Variants in SLC25A21 observed in about 807,000 individuals in gnomAD.
SLC25A21 encodes mitochondrial 2-oxodicarboxylate carrier.
SLC25A21 carries 47 observed loss-of-function variants against 43.8 expected under a neutral mutation model. The ratio of observed to expected loss-of-function variants is 1.07; its 90% confidence interval spans 0.85 to 1.37. The LOEUF (loss-of-function observed/expected upper bound fraction) is 1.37. Among genes scored for constraint, SLC25A21 ranks in the 40% most tolerant of loss-of-function variants. SLC25A21 has a pLI of 0.00. For missense variants in SLC25A21, 352 were observed against 350.2 expected (o/e 1.00, Z -0.04); for synonymous variants, 131 against 121.3 (o/e 1.08, Z -0.52).
At chr14:36,794,287 C>T (rs1594593944) in intron 3 of SLC25A21, among the ~76,000 whole-genome samples, 1 of 151,314 alleles carries the variant, frequency 6.6e-6, no homozygotes, top group East Asian at 1.9e-4. Context: ...GTTTTTATTT[C>T]CTCAAAAGAA....
intron 1 of SLC25A21, among the ~76,000 whole-genome samples, chr14:37,069,742 T>C (rs1289602220): frequency 3.3e-5 from 5 of 152,224 alleles, no homozygotes; most frequent in Non-Finnish European, 7.3e-5. Flanking sequence ...TAGAGGCCCT[T>C]TTCCAGGAAC....
chr14:37,032,397 G>C (rs79149515), intron 1 of SLC25A21, among the ~76,000 whole-genome samples: 1 of 152,010 alleles, frequency 6.6e-6, no homozygotes, highest in Non-Finnish European at 1.5e-5. Flanking sequence ...CTAGCCGGGC[G>C]TGGTGGCGTG....
chr14:37,149,615 A>T (rs929076750), intron 1 of SLC25A21, among the ~76,000 whole-genome samples: 5 of 152,126 alleles, frequency 3.3e-5, no homozygotes, highest in African/African-American at 1.2e-4. Context: ...GAATCGCTTA[A>T]ACCGGGAGGC....
chr14:37,124,505 C>A (rs1431494470), intron 1 of SLC25A21, among the ~76,000 whole-genome samples: 1 of 152,058 alleles, frequency 6.6e-6, no homozygotes, highest in Non-Finnish European at 1.5e-5. Flanking sequence ...TTATTGTTAC[C>A]TATAGCAAAG....
intron 1 of SLC25A21, among the ~76,000 whole-genome samples, chr14:36,947,478 A>G (rs528449643): frequency 1.3e-4 from 20 of 152,302 alleles, no homozygotes; most frequent in South Asian, 1.2e-3. Context: ...ACTCCTTTCC[A>G]GCCCTGGGAT....
chr14:37,062,572 T>A (rs759159062), intron 1 of SLC25A21, among the ~76,000 whole-genome samples: 28 of 152,194 alleles, frequency 1.8e-4, no homozygotes, highest in Non-Finnish European at 3.8e-4. Context: ...AGATGCTCGC[T>A]GTTTGCACTC....
chr14:36,726,042 T>G (rs942044048), intron 5 of SLC25A21, among the ~76,000 whole-genome samples: 6 of 152,232 alleles, frequency 3.9e-5, no homozygotes, highest in African/African-American at 1.4e-4. Context: ...AGCTTCATTT[T>G]TAAACATCTA....
intron 1 of SLC25A21, among the ~76,000 whole-genome samples, chr14:37,101,700 A>G (rs1962819957): frequency 1.3e-5 from 2 of 152,338 alleles, no homozygotes; most frequent in South Asian, 4.1e-4. Context: ...ACTTTTTATA[A>G]AGCAGAATAT....
chr14:36,938,006 T>A (rs7150471), intron 1 of SLC25A21, among the ~76,000 whole-genome samples: 89,796 of 151,520 alleles, frequency 0.59, 27,774 homozygotes, highest in Non-Finnish European at 0.66. Flanking sequence ...CAACTTTTTT[T>A]AAAAAAAAAT....
intron 1 of SLC25A21, among the ~76,000 whole-genome samples, chr14:36,916,668 C>G (rs1418712960): frequency 6.6e-6 from 1 of 152,150 alleles, no homozygotes; most frequent in Non-Finnish European, 1.5e-5. Flanking sequence ...CAGACCCTGA[C>G]AGAAATATAG....
intron 1 of SLC25A21, among the ~76,000 whole-genome samples, chr14:36,986,359 C>G (rs902055219): frequency 2.0e-5 from 3 of 152,120 alleles, no homozygotes; most frequent in African/African-American, 4.8e-5. Flanking sequence ...TAAGTCTATT[C>G]ACTTATTTGC....
At chr14:37,008,984 T>C (rs1040808891) in intron 1 of SLC25A21, among the ~76,000 whole-genome samples, 1 of 152,136 alleles carries the variant, frequency 6.6e-6, no homozygotes, top group East Asian at 1.9e-4. Flanking sequence ...AGAAAGTGCA[T>C]GGGAATAAAT....
intron 3 of SLC25A21, among the ~76,000 whole-genome samples, chr14:36,792,277 T>C (rs848097): frequency 0.46 from 69,469 of 151,928 alleles, 16,414 homozygotes; most frequent in African/African-American, 0.58. Context: ...GAAAGTGTAT[T>C]TGAGGTCTGC....
chr14:37,066,835 G>A (rs1280408008), intron 1 of SLC25A21, among the ~76,000 whole-genome samples: 1 of 152,086 alleles, frequency 6.6e-6, no homozygotes, highest in Non-Finnish European at 1.5e-5. Flanking sequence ...TGAATAATAA[G>A]TTTAGAAGTA....
At chr14:37,003,935 A>G (rs751543964) in intron 1 of SLC25A21, among the ~76,000 whole-genome samples, 5 of 152,078 alleles carry the variant, frequency 3.3e-5, no homozygotes, top group Non-Finnish European at 7.4e-5. Flanking sequence ...GATCCCCTTC[A>G]CTGCCTAACA....
intron 2 of SLC25A21, among the ~76,000 whole-genome samples, chr14:36,845,146 A>G (rs905024943): frequency 1.3e-5 from 2 of 152,218 alleles, no homozygotes; most frequent in Non-Finnish European, 2.9e-5. Context: ...GCTGCAAAGT[A>G]GCTTCTCCAT....
chr14:36,778,486 C>T (rs1300838918), intron 3 of SLC25A21, among the ~76,000 whole-genome samples: 3 of 152,220 alleles, frequency 2.0e-5, no homozygotes, highest in African/African-American at 7.2e-5. Context: ...TTCAAGGGTT[C>T]ACTCATTCAT....
chr14:36,872,444 T>C (rs903695288), intron 2 of SLC25A21, among the ~76,000 whole-genome samples: 2 of 152,198 alleles, frequency 1.3e-5, no homozygotes, highest in African/African-American at 4.8e-5. Context: ...TCCTGTATAA[T>C]GTGATGGTGA....
chr14:37,146,750 T>C (rs1357386133), intron 1 of SLC25A21, among the ~76,000 whole-genome samples: 1 of 152,226 alleles, frequency 6.6e-6, no homozygotes, highest in Non-Finnish European at 1.5e-5. Flanking sequence ...TTTATTTTAA[T>C]TTAATATGTA....
Sources: gnomAD v4.1 joint callset for allele counts (sites outside exome capture counted in the v4.1 genomes callset) on GRCh38, gnomAD v4.1.1 for gene constraint, MANE v1.5 for transcripts, NCBI Gene and HGNC (gene_info 2026-07-23, HGNC 2026-07-21) for gene names.